The following ABCA13 variants were observed in gnomAD, a reference collection of about 807,000 sequenced individuals.
ABCA13 encodes ATP binding cassette subfamily A member 13.
A neutral mutation model predicts 478.7 loss-of-function variants in ABCA13; 476 were observed. The observed-to-expected ratio is 0.99, with a 90% CI of 0.92 to 1.07. ABCA13 has a LOEUF of 1.07. Among genes scored for constraint, ABCA13 ranks in the 50% least tolerant of loss-of-function variants. The pLI, the probability that ABCA13 is intolerant of heterozygous loss-of-function variation, is 0.00. For synonymous variants in ABCA13, 2,252 were observed against 2,158.9 expected (o/e 1.04, Z -1.20); for missense variants, 6,060 against 5,910.6 (o/e 1.03, Z -0.83).
At chr7:48,590,987 T>C (rs1477395632) in intron 57 of ABCA13, among the ~76,000 whole-genome samples, 2 of 152,146 alleles carry the variant, frequency 1.3e-5, no homozygotes, top group African/African-American at 4.8e-5. Flanking sequence ...AGTCCCACTT[T>C]ATGTTTGCTT....
intron 5 of ABCA13, among the ~76,000 whole-genome samples, chr7:48,222,273 A>T (rs186814120): frequency 1.1e-3 from 166 of 152,342 alleles, no homozygotes; most frequent in Middle Eastern, 3.4e-3. Context: ...AGAACTTAAA[A>T]ATAGAATAAA....
chr7:48,240,846 T>G, intron 9 of ABCA13, 21 bp from the exon 10 acceptor site: 1 of 1,486,594 alleles, frequency 6.7e-7, no homozygotes, highest in African/African-American at 1.4e-5. Flanking sequence ...AATGCTAGTA[T>G]TTTGGTTTCC....
intron 42 of ABCA13, among the ~76,000 whole-genome samples, chr7:48,452,008 G>A (rs1020097269): frequency 2.2e-4 from 34 of 152,260 alleles, no homozygotes; most frequent in African/African-American, 7.9e-4. Flanking sequence ...ACTTTCATGA[G>A]TTAAGCCATG....
intron 19 of ABCA13, among the ~76,000 whole-genome samples, chr7:48,284,967 G>A (rs938860428): frequency 5.3e-5 from 8 of 152,204 alleles, no homozygotes; most frequent in South Asian, 4.1e-4. Flanking sequence ...CTATATTTTC[G>A]TCATATCACA....
Position 48,376,547 on chromosome 7 carries a change from A to G in ABCA13, c.11310A>G (p.Gly3770=), listed in dbSNP as rs1373429581. ...LFDSSLYFLC[G]WYLSNLIPGT... is the part of the protein sequence containing the mutation. ...ATTCAAGCCTTTATTTTTTGTGTGG[A>G]TGGTACTTGAGCAACTTGATTCCTG... Residue 3770 remains glycine (G), a synonymous_variant, in exon 35 of 62, where the codon GGA becomes GGG. Coordinates refer to ENST00000435803, the MANE Select transcript of ABCA13 (RefSeq NM_152701.5). The G allele has an allele frequency of 5.0e-6, 8 of 1,613,830 alleles. No individual in the cohort carries two copies. Among genetic ancestry groups the G allele is most frequent in the Admixed American group, 1.7e-5 (1 of 60,018 alleles).
chr7:48,599,364 G>A (rs1374956460), intron 58 of ABCA13, among the ~76,000 whole-genome samples: 1 of 150,288 alleles, frequency 6.7e-6, no homozygotes, highest in Non-Finnish European at 1.5e-5. Flanking sequence ...CTACCAGAGG[G>A]GTTACAGTTT....
At chr7:48,539,725 A>G (rs966233161) in intron 55 of ABCA13, among the ~76,000 whole-genome samples, 1 of 152,176 alleles carries the variant, frequency 6.6e-6, no homozygotes, top group African/African-American at 2.4e-5. Context: ...TTCTTCATCC[A>G]TATACTAGAA....
chr7:48,245,835 C>T (rs1257586919), intron 12 of ABCA13, 28 bp from the exon 13 acceptor site: 2 of 1,590,608 alleles, frequency 1.3e-6, no homozygotes, highest in Non-Finnish European at 1.7e-6. Context: ...TTAAATGTTA[C>T]TCCTTCCCAC....
chr7:48,202,207 T>C (rs1217475395), intron 3 of ABCA13, among the ~76,000 whole-genome samples: 5 of 152,218 alleles, frequency 3.3e-5, no homozygotes, highest in Non-Finnish European at 7.3e-5. Context: ...GGCAGCCTGC[T>C]TTTATTCTTA....
rs923275439 is a variant in ABCA13, at chr7:48,483,119, G to A, written c.13138G>A (p.Gly4380Arg). The change falls in exon 47 of 62, where the codon GGA becomes AGA. Residue 4380 changes from glycine (G) to arginine (R), a missense_variant. Coordinates refer to ENST00000435803, the MANE Select transcript of ABCA13 (RefSeq NM_152701.5). ...SFGLKIPSEA[G>R]GANGNISKPP... ...TGGATTAAAAATCCCCAGTGAAGCTGGAGGTGCAAATGGAAACATATCAAA... is the reference window on the plus strand; with the variant it reads ...TGGATTAAAAATCCCCAGTGAAGCTAGAGGTGCAAATGGAAACATATCAAA... The A allele has an allele frequency of 1.2e-6, 2 of 1,613,326 alleles. No individual in the cohort carries two copies. Among genetic ancestry groups the A allele is most frequent in the African/African-American group, 2.7e-5 (2 of 75,038 alleles).
rs1013406332 is a variant in ABCA13 at position 48,412,463 on chromosome 7, C to T, written c.12339C>T (p.Thr4113=). Residue 4113 remains threonine, a synonymous_variant, in exon 41 of 62, where the codon ACC becomes ACT. Transcript: ENST00000435803. ...FLKDSSGSEL[T]YTIPKDTDKA... ...AAGACAGCAGTGGAAGTGAGCTGAC[C>T]TACACCATTCCAAAGGACACAGACA... The T allele has an allele frequency of 5.0e-6, 8 of 1,613,338 alleles. No homozygotes were observed. In the African/African-American group the frequency reaches 9.4e-5, roughly 19 times the overall value.
chr7:48,548,349 G>A (rs1192716475), intron 55 of ABCA13, among the ~76,000 whole-genome samples: 1 of 151,786 alleles, frequency 6.6e-6, no homozygotes, highest in African/African-American at 2.4e-5. Flanking sequence ...TTAATTAAGG[G>A]ATAATTTCAC....
intron 27 of ABCA13, among the ~76,000 whole-genome samples, chr7:48,335,078 T>G (rs952485525): frequency 1.3e-5 from 2 of 152,166 alleles, no homozygotes; most frequent in African/African-American, 4.8e-5. Context: ...CAAGTAAGTA[T>G]TAGTTGAGAA....
chr7:48,585,424 G>A (rs1223975048), intron 56 of ABCA13, among the ~76,000 whole-genome samples: 2 of 152,094 alleles, frequency 1.3e-5, no homozygotes, highest in Admixed American at 6.5e-5. Flanking sequence ...TTTAGGCCTT[G>A]AAATCTGCAT....
chr7:48,316,908 T>A (rs1802671634), intron 26 of ABCA13, among the ~76,000 whole-genome samples: 1 of 152,184 alleles, frequency 6.6e-6, no homozygotes. Flanking sequence ...GAAACATTCA[T>A]GAGGGATCTG....
chr7:48,498,810 C>T (rs541468501), intron 48 of ABCA13, among the ~76,000 whole-genome samples: 13 of 152,174 alleles, frequency 8.5e-5, no homozygotes, highest in African/African-American at 3.1e-4. Flanking sequence ...AAAGGAAGAT[C>T]ATGAAAATAT....
chr7:48,203,253 C>T (rs1416646358), intron 3 of ABCA13, among the ~76,000 whole-genome samples: 1 of 152,174 alleles, frequency 6.6e-6, no homozygotes, highest in African/African-American at 2.4e-5. Flanking sequence ...CTCCAGCTGG[C>T]CCGCAAGCGC....
chr7:48,291,105 A>G (rs1798473157), intron 20 of ABCA13, among the ~76,000 whole-genome samples: 1 of 152,164 alleles, frequency 6.6e-6, no homozygotes, highest in South Asian at 2.1e-4. Flanking sequence ...TGAGTTTGCT[A>G]CCATCCTTTT....
intron 52 of ABCA13, among the ~76,000 whole-genome samples, chr7:48,517,388 T>C (rs1000028961): frequency 2.0e-5 from 3 of 152,076 alleles, no homozygotes; most frequent in African/African-American, 7.2e-5. Context: ...CAAATTTAAT[T>C]TTGCTGTTTT....
Sources: allele counts gnomAD v4.1 joint callset (sites outside exome capture counted in the v4.1 genomes callset), GRCh38; gene constraint gnomAD v4.1.1; transcripts MANE v1.5; gene names NCBI Gene and HGNC (gene_info 2026-07-23, HGNC 2026-07-21).